LHFPL3: variants seen among roughly 807,000 people sequenced by gnomAD.
The protein encoded by LHFPL3 is LHFPL tetraspan subfamily member 3 protein.
LHFPL3 carries 5 observed loss-of-function variants against 19.3 expected under a neutral mutation model. The observed-to-expected ratio is 0.26, with a 90% CI of 0.14 to 0.54. LHFPL3 has a LOEUF of 0.54. LHFPL3 is among the 20% of genes least tolerant of loss of function. The pLI is 0.94. For missense variants in LHFPL3, 249 were observed against 307.4 expected (o/e 0.81, Z 1.42); for synonymous variants, 133 against 126.2 (o/e 1.05, Z -0.36).
intron 1 of LHFPL3, among the ~76,000 whole-genome samples, chr7:104,469,670 T>C (rs1304185984): frequency 6.6e-6 from 1 of 152,186 alleles, no homozygotes; most frequent in Non-Finnish European, 1.5e-5. Flanking sequence ...TGTTCTCTCC[T>C]TCTAAATTAC....
intron 1 of LHFPL3, among the ~76,000 whole-genome samples, chr7:104,543,348 C>T (rs1322864462): frequency 9.9e-5 from 15 of 152,032 alleles, no homozygotes; most frequent in Admixed American, 9.8e-4. Context: ...TTGTGGAAGT[C>T]AGTGTGGTGA....
Position 104,491,145 on chromosome 7 carries a change from T to C in LHFPL3, c.445+161921T>C, listed in dbSNP as rs1018129486. Among the ~76,000 whole-genome samples the C allele has an allele frequency of 7.1e-5, 9 of 127,070 alleles. 1 individual carries two copies. Among genetic ancestry groups the C allele is most frequent in the Admixed American group, 5.4e-4 (7 of 13,018 alleles). The allele number at this position is 127,070 out of a possible 152,430, so 83.4% of individuals were successfully genotyped here. On this transcript the variant is annotated intron_variant, in intron 1 of 2. Coordinates refer to ENST00000424859, the MANE Select transcript of LHFPL3 (RefSeq NM_199000.3). ...CTGGAAGACAACTTAGGGTTGAGAT[T>C]AGACCAGAGGCTGTAACACTGTGTT...
At chr7:104,580,251 A>G (rs62487564) in intron 1 of LHFPL3, among the ~76,000 whole-genome samples, 70,407 of 151,980 alleles carry the variant, frequency 0.46, 16,445 homozygotes, top group South Asian at 0.54. Context: ...TACTGTGACT[A>G]TTTGTAAAGG....
At chr7:104,883,796 T>A (rs1313689899) in intron 2 of LHFPL3, among the ~76,000 whole-genome samples, 1 of 152,192 alleles carries the variant, frequency 6.6e-6, no homozygotes, top group Non-Finnish European at 1.5e-5. Flanking sequence ...GAGCTAGGAC[T>A]CAGTTCATTG....
Position 104,833,407 on chromosome 7 carries a change from TATATATATA to T in LHFPL3, c.683-72770_683-72762del, listed in dbSNP as rs1276118053. On this transcript the variant is annotated intron_variant, in intron 2 of 2. Coordinates refer to ENST00000424859, the MANE Select transcript of LHFPL3 (RefSeq NM_199000.3). ...TATAATAGGATATATATATTATATATATATATATAATATATATATATATATATGCTCCTC... is the reference window on the plus strand; with the variant it reads ...TATAATAGGATATATATATTATATATATATATATATATATATATGCTCCTC... 7.8e-4 allele frequency among the ~76,000 whole-genome samples: 6 copies of T among 7,674 alleles called. 1 individual carries two copies. Among genetic ancestry groups the T allele is most frequent in the South Asian group, 0.014 (2 of 138 alleles). 5.0% of individuals were successfully genotyped at this position (7,674 alleles called of 152,430 possible).
At chr7:104,456,779 A>G (rs1792550016) in intron 1 of LHFPL3, among the ~76,000 whole-genome samples, 1 of 152,200 alleles carries the variant, frequency 6.6e-6, no homozygotes, top group South Asian at 2.1e-4. Context: ...CTACAAGGCT[A>G]CTAAGTGACT....
At chr7:104,865,440 G>A (rs1429532447) in intron 2 of LHFPL3, among the ~76,000 whole-genome samples, 1 of 152,182 alleles carries the variant, frequency 6.6e-6, no homozygotes, top group Non-Finnish European at 1.5e-5. Context: ...ACAAGCCTCA[G>A]TAGCCGATTC....
intron 1 of LHFPL3, among the ~76,000 whole-genome samples, chr7:104,609,005 G>A (rs1030979604): frequency 1.3e-5 from 2 of 152,022 alleles, no homozygotes; most frequent in Admixed American, 6.6e-5. Flanking sequence ...GGTGGCTCAC[G>A]CCTGTAATCC....
chr7:104,519,449 G>C (rs1319611509), intron 1 of LHFPL3, among the ~76,000 whole-genome samples: 1 of 152,106 alleles, frequency 6.6e-6, no homozygotes, highest in Non-Finnish European at 1.5e-5. Context: ...CTTAAATGAT[G>C]ACATTCCTGA....
intron 1 of LHFPL3, among the ~76,000 whole-genome samples, chr7:104,525,951 T>C (rs1303018657): frequency 6.6e-6 from 1 of 152,052 alleles, no homozygotes; most frequent in Non-Finnish European, 1.5e-5. Context: ...CTTTATCCTA[T>C]AGGTAGGCAC....
intron 1 of LHFPL3, among the ~76,000 whole-genome samples, chr7:104,637,511 T>C (rs1255462697): frequency 2.6e-5 from 4 of 152,238 alleles, no homozygotes; most frequent in African/African-American, 9.6e-5. Flanking sequence ...TTTATAGTTT[T>C]AGATTTTGGA....
chr7:104,420,098 C>T (rs964844258), intron 1 of LHFPL3, among the ~76,000 whole-genome samples: 1 of 152,184 alleles, frequency 6.6e-6, no homozygotes, highest in African/African-American at 2.4e-5. Context: ...GTGTGGAAGA[C>T]CCCACCTGCC....
At chr7:104,490,563 C>G (rs970437805) in intron 1 of LHFPL3, among the ~76,000 whole-genome samples, 1 of 152,044 alleles carries the variant, frequency 6.6e-6, no homozygotes, top group Non-Finnish European at 1.5e-5. Flanking sequence ...TACCATTAGG[C>G]GCCTTAAAAC....
At chr7:104,831,338 G>C (rs985784167) in intron 2 of LHFPL3, among the ~76,000 whole-genome samples, 5 of 151,858 alleles carry the variant, frequency 3.3e-5, no homozygotes, top group Admixed American at 6.5e-5. Context: ...ATTCAATTCG[G>C]TCATAAGCTT....
chr7:104,429,487 T>C (rs6977965), intron 1 of LHFPL3, among the ~76,000 whole-genome samples: 2 of 150,590 alleles, frequency 1.3e-5, no homozygotes, highest in African/African-American at 4.9e-5. Context: ...TTTGTTTTGT[T>C]TTTTTTTTAG....
intron 1 of LHFPL3, among the ~76,000 whole-genome samples, chr7:104,519,620 A>G (rs995892731): frequency 3.3e-5 from 5 of 152,150 alleles, no homozygotes; most frequent in African/African-American, 1.2e-4. Flanking sequence ...TTACTCCTCC[A>G]GCTGATCTCT....
chr7:104,591,929 C>T (rs1584423896), intron 1 of LHFPL3, among the ~76,000 whole-genome samples: 1 of 152,172 alleles, frequency 6.6e-6, no homozygotes, highest in African/African-American at 2.4e-5. Flanking sequence ...CTTGTGCATT[C>T]ATCATGTCAT....
intron 1 of LHFPL3, among the ~76,000 whole-genome samples, chr7:104,402,928 C>T (rs111723680): frequency 0.022 from 3,396 of 152,032 alleles, 110 homozygotes; most frequent in African/African-American, 0.078. Context: ...AAGCTGGAAG[C>T]CATTATTCTC....
intron 1 of LHFPL3, among the ~76,000 whole-genome samples, chr7:104,683,015 A>T (rs1054126604): frequency 8.5e-5 from 13 of 152,072 alleles, no homozygotes; most frequent in African/African-American, 3.1e-4. Context: ...CTTGAGATGA[A>T]GTCTTGTTCT....
Sources: gnomAD v4.1 joint callset for allele counts (sites outside exome capture counted in the v4.1 genomes callset) on GRCh38, gnomAD v4.1.1 for gene constraint, MANE v1.5 for transcripts, NCBI Gene and HGNC (gene_info 2026-07-23, HGNC 2026-07-21) for gene names.